Variants in SDE2 observed in about 807,000 individuals in gnomAD.
SDE2 encodes the protein spliceosome associated SDE2.
In SDE2, 31 loss-of-function variants were observed where a neutral mutation model predicts 46.9. That is an observed-to-expected ratio of 0.66 (90% CI 0.50 to 0.89). SDE2 has a LOEUF of 0.89. Among genes scored for constraint, SDE2 ranks in the 40% least tolerant of loss-of-function variants. SDE2 has a pLI of 0.00. For missense variants in SDE2, 542 were observed against 564.4 expected, an observed-to-expected ratio of 0.96 and a Z score of 0.40; for synonymous variants, 205 against 204.3, an observed-to-expected ratio of 1.00 and a Z score of -0.03.
intron 4 of SDE2, 75 bp downstream of exon 4, chr1:225,992,323 T>G: frequency 9.9e-7 from 1 of 1,010,680 alleles, no homozygotes; most frequent in South Asian, 1.6e-5. Context: ...CTGCTCTTTG[T>G]GCGTAGTGTA....
chr1:225,998,324 G>A (rs561077245), intron 1 of SDE2, among the ~76,000 whole-genome samples: 60 of 152,252 alleles, frequency 3.9e-4, no homozygotes, highest in African/African-American at 1.4e-3. Context: ...TCACGGAATC[G>A]ATCCAAGTCT....
At chr1:225,988,670 G>A (rs548728033) in intron 5 of SDE2, among the ~76,000 whole-genome samples, 19 of 152,180 alleles carry the variant, frequency 1.2e-4, no homozygotes, top group Admixed American at 7.9e-4. Flanking sequence ...CAGAGGTTGC[G>A]GTGAGACGAG....
At chr1:225,989,315 A>G (rs1656341873) in intron 5 of SDE2, among the ~76,000 whole-genome samples, 1 of 148,684 alleles carries the variant, frequency 6.7e-6, no homozygotes, top group Non-Finnish European at 1.5e-5. Context: ...AAAAATAATA[A>G]TAATAATAAT....
chr1:225,984,949 G>T lies in SDE2; in HGVS notation c.*353C>A, dbSNP rs1656236234. On this transcript the variant is annotated 3_prime_UTR_variant, in exon 7 of 7. Transcript: ENST00000272091. ...ACACAGCTCCTAAAGACATTAAAAG[G>T]GTAAGAAGGGACCATTATAAATAAC... 1 of 240,858 alleles carries T rather than the reference G, an allele frequency of 4.2e-6. No homozygotes were observed. The highest frequency in any genetic ancestry group is 8.1e-6 in the Non-Finnish European group (1 of 123,798). The allele number at this position is 240,858 out of a possible 1,614,324, so 14.9% of individuals were successfully genotyped here. A position where few individuals can be genotyped will look rare whatever the true frequency, so the allele number is the denominator to read the frequency against.
chr1:225,985,559 C>T, intron 6 of SDE2, 36 bp from the exon 7 acceptor site: 1 of 1,317,988 alleles, frequency 7.6e-7, no homozygotes, highest in Non-Finnish European at 1.1e-6. Context: ...TTAAAACAGG[C>T]TCCTTCCTCT....
chr1:225,997,571 A>T (rs1656556214), intron 1 of SDE2, among the ~76,000 whole-genome samples: 1 of 152,088 alleles, frequency 6.6e-6, no homozygotes, highest in East Asian at 1.9e-4. Context: ...CTGGGATTAC[A>T]GGCGTCTGCC....
chr1:225,994,331 C>T (rs1413935033), intron 2 of SDE2, among the ~76,000 whole-genome samples: 1 of 152,228 alleles, frequency 6.6e-6, no homozygotes, highest in East Asian at 1.9e-4. Flanking sequence ...CCGCCTTGGC[C>T]TCCCAAAGTG....
intron 6 of SDE2, among the ~76,000 whole-genome samples, chr1:225,986,438 C>A (rs1219465357): frequency 6.6e-6 from 1 of 151,646 alleles, no homozygotes; most frequent in Non-Finnish European, 1.5e-5. Flanking sequence ...ATAACTTTCA[C>A]AGTTTTAAAA....
rs1378511707 is a variant in SDE2, at chr1:225,984,394, C to T, written c.*908G>A. 6.6e-6 allele frequency: 1 copy of T among 150,610 alleles called. No homozygotes were observed. The highest frequency in any genetic ancestry group is 1.5e-5 in the Non-Finnish European group (1 of 67,952). The allele number at this position is 150,610 out of a possible 1,614,324, so 9.3% of individuals were successfully genotyped here. On this transcript the variant is annotated 3_prime_UTR_variant, in exon 7 of 7. Coordinates refer to ENST00000272091, the MANE Select transcript of SDE2 (RefSeq NM_152608.4). ...AACGTCTAAGATCAATGACCTAAGG[C>T]TTATCTTAAGGAACTAAAGAAAAAA...
At chr1:225,995,514 A>C (rs182634748) in intron 1 of SDE2, 131 bp from the exon 2 acceptor site, 19 of 523,420 alleles carry the variant, frequency 3.6e-5, no homozygotes, top group African/African-American at 3.5e-4. Context: ...TGTTGAATTG[A>C]AAATGTAAAC....
At chr1:225,997,943 G>T (rs1004246218) in intron 1 of SDE2, among the ~76,000 whole-genome samples, 3 of 151,888 alleles carry the variant, frequency 2.0e-5, no homozygotes, top group Admixed American at 6.6e-5. Context: ...CCTGGCCAAC[G>T]TGGTGAAACC....
intron 4 of SDE2, 97 bp downstream of exon 4, chr1:225,992,301 A>T: frequency 1.3e-6 from 1 of 790,606 alleles, no homozygotes. Context: ...TAACCTAAAA[A>T]AAGCTTAAGA....
At chr1:225,998,295 G>A (rs541600681) in intron 1 of SDE2, among the ~76,000 whole-genome samples, 2 of 152,322 alleles carry the variant, frequency 1.3e-5, no homozygotes, top group African/African-American at 4.8e-5. Context: ...CGTATTATTT[G>A]CAAACACACA....
intron 1 of SDE2, among the ~76,000 whole-genome samples, chr1:225,997,462 C>T (rs1414848429): frequency 6.6e-6 from 1 of 152,154 alleles, no homozygotes; most frequent in Non-Finnish European, 1.5e-5. Flanking sequence ...CCGAGTCTTG[C>T]TCTGTCACCC....
chr1:225,992,995 T>A lies in SDE2; in HGVS notation c.246A>T (p.Gly82=). Residue 82 remains glycine, a synonymous_variant, in exon 3 of 7, where the codon GGA becomes GGT. Transcript: ENST00000272091. ...GAGCACCAAGTGCTCGGAGCATAGATCCAAAACCTGAGCAGATGTATTTGG... is the reference window on the plus strand; with the variant it reads ...GAGCACCAAGTGCTCGGAGCATAGAACCAAAACCTGAGCAGATGTATTTGG... ...PRLCGGKGGF[G]SMLRALGAQI... The A allele has an allele frequency of 6.3e-7, 1 of 1,591,234 alleles. No individual in the cohort carries two copies. Among genetic ancestry groups the A allele is most frequent in the Non-Finnish European group, 8.6e-7 (1 of 1,159,818 alleles).
Position 225,999,195 on chromosome 1 carries a change from G to C in SDE2, c.118C>G (p.Gln40Glu), listed in dbSNP as rs1049897246. Residue 40 changes from glutamine to glutamate, a missense_variant and splice_region_variant, in exon 1 of 7, where the codon CAG becomes GAG. Around this residue, in one of 3 missense-constraint regions of SDE2, gnomAD observed 135 missense variants for 106.5 expected, o/e 1.27. Transcript: ENST00000272091. ...RDFIHRHCQD[Q>E]NVPVENFFVK... ...CTAACAGGAACCGAAATCCTCACCT[G>C]ATCTTGGCAGTGCCGGTGGATAAAA... 2 of 1,611,558 alleles carry C rather than the reference G, an allele frequency of 1.2e-6. No homozygotes were observed. Among genetic ancestry groups the C allele is most frequent in the Admixed American group, 3.3e-5 (2 of 59,860 alleles).
intron 1 of SDE2, among the ~76,000 whole-genome samples, chr1:225,997,582 G>A (rs1181792390): frequency 6.6e-6 from 1 of 151,780 alleles, no homozygotes; most frequent in Non-Finnish European, 1.5e-5. Context: ...GGCGTCTGCC[G>A]CCACGCCTGG....
rs77761561 is a variant in SDE2 at position 225,993,817 on chromosome 1, G to A, written c.239-815C>T. On this transcript the variant is annotated intron_variant, in intron 2 of 6. Transcript: ENST00000272091. ...CCTTGCTCTGTCATCCAGGCTAGAGGGCAATGGCTTGATGTAATCAAAGCT... is the reference window on the plus strand; with the variant it reads ...CCTTGCTCTGTCATCCAGGCTAGAGAGCAATGGCTTGATGTAATCAAAGCT... 4.7e-4 allele frequency among the ~76,000 whole-genome samples: 71 copies of A among 152,142 alleles called. No homozygotes were observed. In the East Asian group the frequency reaches 0.013, roughly 29 times the overall value.
In SDE2 at chr1:225,991,332, T is replaced by G; in HGVS notation, c.552A>C (p.Ser184=). ...GMQAASSKMV[S]AEISENRKRQ... ...GTTTCCGATTCTCACTGATTTCTGC[T>G]GAAACCATCTTGCTGGAGGCAGCCT... The change falls in exon 5 of 7, where the codon TCA becomes TCC. Residue 184 remains serine (S), a synonymous_variant. Transcript: ENST00000272091. 1 of 1,614,004 alleles carries G rather than the reference T, an allele frequency of 6.2e-7. No homozygotes were observed.
Sources: allele counts gnomAD v4.1 joint callset (sites outside exome capture counted in the v4.1 genomes callset), GRCh38; gene constraint gnomAD v4.1.1; regional missense constraint gnomAD v4.1.1; transcripts MANE v1.5; gene names NCBI Gene and HGNC (gene_info 2026-07-23, HGNC 2026-07-21).